Variants in KCNH7 observed in about 807,000 individuals in gnomAD.
The protein encoded by KCNH7 is voltage-gated inwardly rectifying potassium channel KCNH7.
Under a neutral mutation model 120.8 loss-of-function variants are expected in KCNH7, and 49 were observed. The observed-to-expected ratio is 0.41, with a 90% CI of 0.32 to 0.51. KCNH7 has a LOEUF of 0.51. Among genes scored for constraint, KCNH7 ranks in the 20% least tolerant of loss-of-function variants. KCNH7 has a pLI of 0.38. For synonymous variants in KCNH7, 547 were observed against 516.1 expected (o/e 1.06, Z -0.81); for missense variants, 1,097 against 1,446.6 (o/e 0.76, Z 3.92).
intron 2 of KCNH7, among the ~76,000 whole-genome samples, chr2:162,629,540 A>T (rs970752509): frequency 1.3e-4 from 20 of 152,116 alleles, no homozygotes; most frequent in African/African-American, 4.6e-4. Flanking sequence ...TTCAGCTAAG[A>T]AACCTCACTC....
intron 2 of KCNH7, among the ~76,000 whole-genome samples, chr2:162,600,768 G>A (rs1471036874): frequency 6.6e-6 from 1 of 152,066 alleles, no homozygotes; most frequent in Non-Finnish European, 1.5e-5. Context: ...GTTGCAAGTA[G>A]TTCTGGGTCC....
chr2:162,777,278 C>T (rs1559128806), intron 2 of KCNH7, among the ~76,000 whole-genome samples: 1 of 152,114 alleles, frequency 6.6e-6, no homozygotes, highest in Admixed American at 6.6e-5. Flanking sequence ...CTAGGCATAT[C>T]CTGCTGTTTA....
At chr2:162,617,511 A>G (rs1048236308) in intron 2 of KCNH7, among the ~76,000 whole-genome samples, 4 of 152,098 alleles carry the variant, frequency 2.6e-5, no homozygotes, top group Non-Finnish European at 4.4e-5. Flanking sequence ...TAGAATTTAG[A>G]AAAGCAAAGC....
chr2:162,429,808 T>C (rs57117555), intron 8 of KCNH7, among the ~76,000 whole-genome samples: 52 of 151,596 alleles, frequency 3.4e-4, no homozygotes, highest in African/African-American at 1.2e-3. Context: ...GTTTTATAGT[T>C]TTCATTAATT....
chr2:162,597,347 C>T (rs1285956390), intron 2 of KCNH7, among the ~76,000 whole-genome samples: 2 of 152,048 alleles, frequency 1.3e-5, no homozygotes, highest in Non-Finnish European at 2.9e-5. Flanking sequence ...CAATGAAATA[C>T]TGTTCAGCCC....
intron 2 of KCNH7, among the ~76,000 whole-genome samples, chr2:162,696,082 G>A (rs1169631048): frequency 2.6e-5 from 4 of 152,104 alleles, no homozygotes; most frequent in East Asian, 3.9e-4. Flanking sequence ...AATGACTAAC[G>A]AAGGTGTAGA....
chr2:162,756,053 G>A (rs1688778019), intron 2 of KCNH7, among the ~76,000 whole-genome samples: 1 of 152,062 alleles, frequency 6.6e-6, no homozygotes, highest in Admixed American at 6.6e-5. Context: ...TAATTATGTT[G>A]ACTAAAATTC....
At chr2:162,671,413 C>T (rs1408559222) in intron 2 of KCNH7, among the ~76,000 whole-genome samples, 2 of 148,764 alleles carry the variant, frequency 1.3e-5, no homozygotes, top group Admixed American at 6.7e-5. Flanking sequence ...TTTGCAGCAA[C>T]ATGCATAGAA....
intron 2 of KCNH7, among the ~76,000 whole-genome samples, chr2:162,666,081 C>T (rs1265453423): frequency 1.3e-5 from 2 of 152,126 alleles, no homozygotes; most frequent in Non-Finnish European, 2.9e-5. Context: ...GACATCCTTT[C>T]ATGAAAATTA....
At chr2:162,734,530 C>A (rs1243180427) in intron 2 of KCNH7, among the ~76,000 whole-genome samples, 2 of 152,052 alleles carry the variant, frequency 1.3e-5, no homozygotes, top group Admixed American at 6.6e-5. Context: ...TATTTTGAAA[C>A]ATTATGCTGT....
chr2:162,810,342 C>T (rs1023332553), intron 2 of KCNH7, among the ~76,000 whole-genome samples: 1 of 152,038 alleles, frequency 6.6e-6, no homozygotes, highest in East Asian at 1.9e-4. Context: ...GTTTATTACA[C>T]TGGGGATACA....
chr2:162,652,575 C>T (rs549295341), intron 2 of KCNH7, among the ~76,000 whole-genome samples: 13 of 152,246 alleles, frequency 8.5e-5, no homozygotes, highest in South Asian at 2.1e-4. Flanking sequence ...AGAGGTTTCA[C>T]GCTCCTATGA....
At chr2:162,416,375 GAAA>G (rs962524373) in intron 9 of KCNH7, among the ~76,000 whole-genome samples, 1 of 65,732 alleles carries the variant, frequency 1.5e-5, no homozygotes, top group Non-Finnish European at 3.3e-5. Flanking sequence ...TCCGTCTCTA[GAAA>G]AAAAAAAAAA....
At chr2:162,753,725 G>A (rs914575128) in intron 2 of KCNH7, among the ~76,000 whole-genome samples, 2 of 152,056 alleles carry the variant, frequency 1.3e-5, no homozygotes, top group South Asian at 2.1e-4. Flanking sequence ...TTTAGATTAG[G>A]TTGGAACAAG....
At chr2:162,544,848 G>A (rs1319419924) in intron 2 of KCNH7, among the ~76,000 whole-genome samples, 2 of 151,996 alleles carry the variant, frequency 1.3e-5, no homozygotes, top group African/African-American at 2.4e-5. Flanking sequence ...GCTCATGACC[G>A]TTTTCCTTCT....
At chr2:162,579,329 G>T (rs79592529) in intron 2 of KCNH7, among the ~76,000 whole-genome samples, 2 of 151,982 alleles carry the variant, frequency 1.3e-5, no homozygotes, top group Admixed American at 6.6e-5. Context: ...GAAAAGGAAC[G>T]TCAGTAAGAT....
intron 2 of KCNH7, among the ~76,000 whole-genome samples, chr2:162,813,104 T>TG (rs1684792160): frequency 6.6e-6 from 1 of 152,198 alleles, no homozygotes; most frequent in Non-Finnish European, 1.5e-5. Context: ...TATATTTGCA[T>TG]GTTCAAAGTC....
intron 2 of KCNH7, among the ~76,000 whole-genome samples, chr2:162,759,425 G>C (rs952261230): frequency 7.2e-5 from 11 of 152,180 alleles, no homozygotes; most frequent in Admixed American, 5.9e-4. Flanking sequence ...CTTTCAAGTA[G>C]ATCCCTAGGA....
chr2:162,559,054 C>CAAAAAAAAAAAAAAAAAAAAAAAGAAA (rs780823559), intron 2 of KCNH7, among the ~76,000 whole-genome samples: 3 of 37,176 alleles, frequency 8.1e-5, no homozygotes, highest in East Asian at 7.2e-4. Context: ...GACTCTGCCT[C>CAAAAAAAAAAAAAAAAAAAAAAAGAAA]AAAAAAAAAA....
Sources: allele counts gnomAD v4.1 joint callset (sites outside exome capture counted in the v4.1 genomes callset), GRCh38; gene constraint gnomAD v4.1.1; transcripts MANE v1.5; gene names NCBI Gene and HGNC (gene_info 2026-07-23, HGNC 2026-07-21).